NDUFA10: variants seen among roughly 807,000 people sequenced by gnomAD.
The protein encoded by NDUFA10 is NADH dehydrogenase [ubiquinone] 1 alpha subcomplex subunit 10, mitochondrial.
NDUFA10 carries 40 observed loss-of-function variants against 47.8 expected under a neutral mutation model. The ratio of observed to expected loss-of-function variants is 0.84; its 90% confidence interval spans 0.65 to 1.09. NDUFA10 has a LOEUF of 1.09. Ranked by LOEUF, NDUFA10 falls within the 50% of genes least tolerant of loss-of-function variation. The probability of loss-of-function intolerance (pLI) is 0.00; values close to 1 mark genes in which losing one functional copy is unlikely to be tolerated. For synonymous variants in NDUFA10, 183 were observed against 172.2 expected (o/e 1.06, Z -0.49); for missense variants, 413 against 451.1 (o/e 0.92, Z 0.76).
chr2:239,961,050 G>T lies in NDUFA10; in HGVS notation c.*68C>A. On this transcript the variant is annotated 3_prime_UTR_variant, in exon 10 of 10. Coordinates refer to ENST00000252711, the MANE Select transcript of NDUFA10 (RefSeq NM_004544.4). ...TCCCCCGATCTTAAAGCTATATGGC[G>T]TCCAGGAGAGTGCGGCTGATGCAGC... 1 of 1,610,348 alleles carries T rather than the reference G, an allele frequency of 6.2e-7. No homozygotes were observed. Among genetic ancestry groups the T allele is most frequent in the Non-Finnish European group, 8.5e-7 (1 of 1,178,538 alleles).
intron 9 of NDUFA10, among the ~76,000 whole-genome samples, chr2:239,984,218 G>A (rs914590387): frequency 2.9e-5 from 4 of 138,400 alleles, no homozygotes; most frequent in African/African-American, 1.1e-4. Context: ...GGGCGATAGA[G>A]TGACAATCGG....
chr2:240,011,751 A>C, intron 5 of NDUFA10, 55 bp from the exon 6 acceptor site: 1 of 1,430,078 alleles, frequency 7.0e-7, no homozygotes, highest in South Asian at 1.1e-5. Context: ...ATTCTCTTTG[A>C]CCTGTGCGTA....
At chr2:239,985,911 C>CAA (rs34928768) in intron 9 of NDUFA10, among the ~76,000 whole-genome samples, 36 of 91,760 alleles carry the variant, frequency 3.9e-4, no homozygotes, top group East Asian at 6.3e-4. Flanking sequence ...GATTCTGTCT[C>CAA]AAAAAAAAAA....
At chr2:239,905,761 A>T (rs1431834107) in intron 4 of NDUFA10, among the ~76,000 whole-genome samples, 1 of 146,680 alleles carries the variant, frequency 6.8e-6, no homozygotes, top group Non-Finnish European at 1.5e-5. Flanking sequence ...CTGCCAAGGG[A>T]TGAGGCTAAT....
At chr2:239,971,164 G>A (rs1426372177) in intron 9 of NDUFA10, among the ~76,000 whole-genome samples, 1 of 152,232 alleles carries the variant, frequency 6.6e-6, no homozygotes, top group African/African-American at 2.4e-5. Flanking sequence ...GAAGAAAGCA[G>A]AAAAGAACTT....
At chr2:240,005,372 A>C (rs1001943226) in intron 7 of NDUFA10, 77 bp from the exon 8 acceptor site, 15 of 1,190,364 alleles carry the variant, frequency 1.3e-5, no homozygotes, top group Non-Finnish European at 1.9e-5. Context: ...TTTTTGAGAC[A>C]GGGTCCGGCT....
chr2:239,933,447 G>A (rs1041368090), intron 4 of NDUFA10, among the ~76,000 whole-genome samples: 1 of 152,154 alleles, frequency 6.6e-6, no homozygotes, highest in Non-Finnish European at 1.5e-5. Context: ...AGCTGGTCCT[G>A]CCAGTCCTGC....
At chr2:240,024,043 A>G (rs1697752542) in intron 1 of NDUFA10, among the ~76,000 whole-genome samples, 1 of 151,740 alleles carries the variant, frequency 6.6e-6, no homozygotes, top group Non-Finnish European at 1.5e-5. Flanking sequence ...GTGGGAGTCA[A>G]ATGGCACAGT....
At chr2:239,938,955 G>A (rs1483940689) in intron 4 of NDUFA10, among the ~76,000 whole-genome samples, 1 of 152,182 alleles carries the variant, frequency 6.6e-6, no homozygotes, top group Non-Finnish European at 1.5e-5. Context: ...ACATTCCTCG[G>A]CGGAAAGACG....
intron 4 of NDUFA10, among the ~76,000 whole-genome samples, chr2:239,925,825 G>A (rs13397813): frequency 6.6e-6 from 1 of 152,122 alleles, no homozygotes; most frequent in Admixed American, 6.5e-5. Flanking sequence ...GATCAGCTCA[G>A]TCCAGTTAGA....
At chr2:239,955,658 C>T (rs922673912), downstream of NDUFA10, among the ~76,000 whole-genome samples, 1 of 152,148 alleles carries the variant, frequency 6.6e-6, no homozygotes, top group Non-Finnish European at 1.5e-5. Flanking sequence ...TGTTGGCTGA[C>T]TTGGCCATGA....
intron 5 of NDUFA10, 48 bp from the exon 6 acceptor site, chr2:240,011,744 C>T: frequency 6.8e-7 from 1 of 1,465,830 alleles, no homozygotes; most frequent in Non-Finnish European, 9.6e-7. Flanking sequence ...AGAGTTCATT[C>T]TCTTTGACCT....
chr2:239,908,246 G>A (rs1033958958), intron 4 of NDUFA10, among the ~76,000 whole-genome samples: 1 of 151,980 alleles, frequency 6.6e-6, no homozygotes, highest in Non-Finnish European at 1.5e-5. Flanking sequence ...GGGGCCTGTT[G>A]TGGGGTGGGG....
At chr2:240,001,712 C>A (rs1327904520) in intron 8 of NDUFA10, among the ~76,000 whole-genome samples, 1 of 152,240 alleles carries the variant, frequency 6.6e-6, no homozygotes, top group African/African-American at 2.4e-5. Flanking sequence ...TAAAATTACT[C>A]GGAATAAACC....
At chr2:239,983,798 T>C (rs774257010) in intron 9 of NDUFA10, 13 of 1,506,966 alleles carry the variant, frequency 8.6e-6, no homozygotes, top group Middle Eastern at 3.6e-4. Flanking sequence ...AAACAAAGTC[T>C]GAGAAAATGT....
chr2:240,015,725 C>A (rs1287169567), intron 4 of NDUFA10, among the ~76,000 whole-genome samples: 1 of 152,264 alleles, frequency 6.6e-6, no homozygotes, highest in Non-Finnish European at 1.5e-5. Flanking sequence ...CTCCCAGAAG[C>A]CAACAGAGAG....
At chr2:239,939,958 G>A (rs1015080087) in intron 4 of NDUFA10, among the ~76,000 whole-genome samples, 1 of 152,238 alleles carries the variant, frequency 6.6e-6, no homozygotes, top group Admixed American at 6.5e-5. Context: ...CAACAAGTCT[G>A]CCCAGGCTTG....
At chr2:239,900,265 G>T (rs539967523) in intron 4 of NDUFA10, among the ~76,000 whole-genome samples, 1 of 151,008 alleles carries the variant, frequency 6.6e-6, no homozygotes, top group Non-Finnish European at 1.5e-5. Context: ...ACTATTGTGG[G>T]ACTTCACCTT....
intron 4 of NDUFA10, among the ~76,000 whole-genome samples, chr2:239,946,292 C>T (rs1355132259): frequency 1.3e-5 from 2 of 152,244 alleles, no homozygotes; most frequent in Non-Finnish European, 2.9e-5. Context: ...CCGGCCCCAG[C>T]CCCAGCAGAC....
Sources: gnomAD v4.1 joint callset for allele counts (sites outside exome capture counted in the v4.1 genomes callset) on GRCh38, gnomAD v4.1.1 for gene constraint, MANE v1.5 for transcripts, NCBI Gene and HGNC (gene_info 2026-07-23, HGNC 2026-07-21) for gene names.